Variants in CTCFL observed in about 807,000 individuals in gnomAD.
CTCFL encodes the protein CCCTC-binding factor like, also known as transcriptional repressor CTCFL.
A neutral mutation model predicts 67.4 loss-of-function variants in CTCFL; 36 were observed. The ratio of observed to expected loss-of-function variants is 0.53; its 90% CI spans 0.41 to 0.71. The LOEUF is 0.71. CTCFL is among the 30% of genes least tolerant of loss of function. The pLI is 0.00. For missense variants in CTCFL, 786 were observed against 835.2 expected (o/e 0.94, Z 0.73); for synonymous variants, 324 against 302.3 (o/e 1.07, Z -0.75).
At chr20:57,517,269 T>C (rs1357914480) in intron 5 of CTCFL, among the ~76,000 whole-genome samples, 1 of 149,340 alleles carries the variant, frequency 6.7e-6, no homozygotes, top group African/African-American at 2.5e-5. Context: ...GGGAGGACAA[T>C]GGGAGTTCAA....
rs1250104238 is a variant in CTCFL, at chr20:57,519,322, T to C, written c.810A>G (p.Ser270=). ...GAGTTTTCATATGACGATTAAAACTTGACATTCTAGAAGAGGTGAACATGC... is the reference window on the plus strand; with the variant it reads ...GAGTTTTCATATGACGATTAAAACTCGACATTCTAGAAGAGGTGAACATGC... The part of the protein sequence containing the change: ...DVCMFTSSRM[S]SFNRHMKTHT... Residue 270 remains serine (S), a synonymous_variant, in exon 4 of 11, where the codon TCA becomes TCG. Coordinates refer to ENST00000243914, the MANE Select transcript of CTCFL (RefSeq NM_001386993.1). 2 of 1,614,102 alleles carry C rather than the reference T, an allele frequency of 1.2e-6. No individual in the cohort carries two copies. Among genetic ancestry groups the C allele is most frequent in the Admixed American group, 1.7e-5 (1 of 60,022 alleles).
At chr20:57,496,261 C>T (rs570185081), downstream of CTCFL, 25 of 681,046 alleles carry the variant, frequency 3.7e-5, no homozygotes, top group East Asian at 4.1e-4. Context: ...CACCATGTGA[C>T]GCGCCTACTC....
downstream of CTCFL, among the ~76,000 whole-genome samples, chr20:57,496,801 A>AAT (rs2067729297): frequency 6.6e-6 from 1 of 152,220 alleles, no homozygotes; most frequent in African/African-American, 2.4e-5. Context: ...AAGGCTACAT[A>AAT]ATATTCCACT....
intron 3 of CTCFL, among the ~76,000 whole-genome samples, chr20:57,521,874 G>A (rs2069391792): frequency 6.6e-6 from 1 of 152,192 alleles, no homozygotes; most frequent in Non-Finnish European, 1.5e-5. Context: ...TCCAGAACAG[G>A]AAAATCTACG....
chr20:57,499,812 G>A (rs1003897255), intron 10 of CTCFL: 2 of 222,220 alleles, frequency 9.0e-6, no homozygotes, highest in African/African-American at 2.3e-5. Context: ...TAACGCTGCC[G>A]CTGATCTGAC....
chr20:57,510,862 A>G (rs13045905), intron 8 of CTCFL, among the ~76,000 whole-genome samples: 1 of 152,186 alleles, frequency 6.6e-6, no homozygotes, highest in East Asian at 1.9e-4. Context: ...TCTAAAAAAT[A>G]AAAAAATAAA....
chr20:57,523,545 T>G (rs2069560863), intron 2 of CTCFL, 118 bp downstream of exon 2: 1 of 1,387,466 alleles, frequency 7.2e-7, no homozygotes, highest in Non-Finnish European at 9.7e-7. Flanking sequence ...CTGGGAAGTA[T>G]TTGTACTGTC....
At chr20:57,507,981 C>CT (rs1265559028) in intron 9 of CTCFL, 1 of 637,444 alleles carries the variant, frequency 1.6e-6, no homozygotes, top group Non-Finnish European at 2.8e-6. Flanking sequence ...CTCACTCTGT[C>CT]TTTGAGGCCA....
intron 5 of CTCFL, among the ~76,000 whole-genome samples, chr20:57,517,755 C>T (rs1268092236): frequency 1.3e-5 from 2 of 151,922 alleles, no homozygotes; most frequent in African/African-American, 2.4e-5. Flanking sequence ...GGCTACCCCC[C>T]ACAGGCTGCG....
At position 57,497,275 on chromosome 20, in the gene CTCFL, C is replaced by T. The variant is rs1158350855; in HGVS notation, c.*1275G>A. Reference sequence around the variant, plus strand: ...ATTCAGTCACAATGATGGCATACTACAGCCCACAGAATTTAAATCTCATGT... The same window carrying T: ...ATTCAGTCACAATGATGGCATACTATAGCCCACAGAATTTAAATCTCATGT... On this transcript the variant is annotated 3_prime_UTR_variant, in exon 11 of 11. Transcript: ENST00000243914. The T allele has an allele frequency of 3.1e-6, 3 of 982,898 alleles. No homozygotes were observed. The highest frequency in any genetic ancestry group is 3.6e-6 in the Non-Finnish European group (3 of 827,788). The allele number at this position is 982,898 out of a possible 1,614,324, so 60.9% of individuals were successfully genotyped here. A position where few individuals can be genotyped will look rare whatever the true frequency, so the allele number is the denominator to read the frequency against.
intron 9 of CTCFL, among the ~76,000 whole-genome samples, chr20:57,504,305 A>C (rs7345352): frequency 0.015 from 1,716 of 112,118 alleles, 34 homozygotes; most frequent in African/African-American, 0.056. Context: ...TTGAGATGGG[A>C]GTCTCGCTCT....
Position 57,512,765 on chromosome 20 carries a change from C to T in CTCFL, c.1331-13G>A, listed in dbSNP as rs779191123. ...CGCATATGCACACCTAAAATGGTCACAGAACATTATATACTTCAAGAGTGT... is the reference window on the plus strand; with the variant it reads ...CGCATATGCACACCTAAAATGGTCATAGAACATTATATACTTCAAGAGTGT... On this transcript the variant is annotated splice_polypyrimidine_tract_variant and intron_variant, in intron 7 of 10. Coordinates refer to ENST00000243914, the MANE Select transcript of CTCFL (RefSeq NM_001386993.1). The T allele has an allele frequency of 1.1e-5, 17 of 1,613,258 alleles. No individual in the cohort carries two copies. The African/African-American group carries it at 1.9e-4, about 18-fold the overall frequency.
rs143550374 is a variant in CTCFL, at chr20:57,513,086, C to G, written c.1331-334G>C. 8.9e-3 allele frequency: 2,341 copies of G among 262,838 alleles called. 17 individuals are homozygous for G. The highest frequency in any genetic ancestry group is 0.011 in the Non-Finnish European group (1,762 of 154,636). The allele number at this position is 262,838 out of a possible 1,614,324, so 16.3% of individuals were successfully genotyped here. A position where few individuals can be genotyped will look rare whatever the true frequency, so the allele number is the denominator to read the frequency against. ...TGCTGAAATATCATTTTAATACTCT[C>G]GGTATGGAGTTAAATGTTATATAAG... On this transcript the variant is annotated intron_variant, in intron 7 of 10. Transcript: ENST00000243914.
intron 8 of CTCFL, among the ~76,000 whole-genome samples, chr20:57,511,736 C>T (rs879575027): frequency 6.6e-5 from 10 of 151,986 alleles, no homozygotes; most frequent in Admixed American, 2.6e-4. Context: ...GGACTACAGG[C>T]GTGTGCCACC....
At chr20:57,512,780 T>C in intron 7 of CTCFL, 28 bp from the exon 8 acceptor site, 1 of 1,604,962 alleles carries the variant, frequency 6.2e-7, no homozygotes, top group Non-Finnish European at 8.5e-7. Flanking sequence ...CATTATATAC[T>C]TCAAGAGTGT....
chr20:57,514,539 C>T lies in CTCFL; in HGVS notation c.1330+53G>A, dbSNP rs917103312. 5.0e-6 allele frequency: 8 copies of T among 1,598,782 alleles called. No individual in the cohort carries two copies. The African/African-American group carries it at 9.4e-5, about 19-fold the overall frequency. The stretch of plus-strand genomic sequence containing the variant: ...TACTTTGCAGGTTTATAGGACCACG[C>T]TCCAAAGAGCCAGCAAATGCTGTAG... On this transcript the variant is annotated intron_variant, in intron 7 of 10. Coordinates refer to ENST00000243914, the MANE Select transcript of CTCFL (RefSeq NM_001386993.1).
At chr20:57,506,282 G>A (rs996077158) in intron 9 of CTCFL, among the ~76,000 whole-genome samples, 2 of 152,114 alleles carry the variant, frequency 1.3e-5, no homozygotes, top group African/African-American at 4.8e-5. Flanking sequence ...TTGGAGAAAG[G>A]TCTATTTAGA....
intron 7 of CTCFL, 131 bp from the exon 8 acceptor site, chr20:57,512,883 G>T: frequency 1.3e-6 from 1 of 796,470 alleles, no homozygotes; most frequent in Non-Finnish European, 2.0e-6. Context: ...GCAGGGCAGG[G>T]TGGGCTATCC....
In CTCFL at chr20:57,503,547, C is replaced by T; in HGVS notation, c.1729G>A (p.Ala577Thr). ...CTTGTTCTTCTTCCCTTTCCTGAAG[C>T]AGCCGACTTTGCTTCCCCTGATCCA... ...KCGSGEAKSAASGKGRRTRKR... is the reference protein window; with the variant it reads ...KCGSGEAKSATSGKGRRTRKR... Residue 577 changes from alanine (A) to threonine (T), a missense_variant, in exon 10 of 11, where the codon GCT (alanine) becomes ACT (threonine). Around this residue, in one of 3 missense-constraint regions of CTCFL, gnomAD observed 199 missense variants for 196.7 expected, o/e 1.01. Transcript: ENST00000243914. 6.2e-7 allele frequency: 1 copy of T among 1,614,122 alleles called. No individual in the cohort carries two copies. Among genetic ancestry groups the T allele is most frequent in the Non-Finnish European group, 8.5e-7 (1 of 1,180,038 alleles).
Sources: allele counts gnomAD v4.1 joint callset (sites outside exome capture counted in the v4.1 genomes callset), GRCh38; gene constraint gnomAD v4.1.1; regional missense constraint gnomAD v4.1.1; transcripts MANE v1.5; gene names NCBI Gene and HGNC (gene_info 2026-07-23, HGNC 2026-07-21).